Variants in APBB2 observed in about 807,000 individuals in gnomAD.
APBB2 encodes the protein amyloid beta precursor protein binding family B member 2, also known as Fe65-like 1.
APBB2 carries 38 observed loss-of-function variants against 82.5 expected under a neutral mutation model. The observed-to-expected ratio is 0.46, with a 90% CI of 0.36 to 0.60. The LOEUF (loss-of-function observed/expected upper bound fraction) is 0.60, where lower values mean the gene tolerates loss of function less well. Ranked by LOEUF, APBB2 falls within the 20% of genes least tolerant of loss-of-function variation. APBB2 has a pLI of 0.00. For missense variants in APBB2, 772 were observed against 972.3 expected (o/e 0.79, Z 2.74); for synonymous variants, 341 against 368.2 (o/e 0.93, Z 0.85).
intron 3 of APBB2, among the ~76,000 whole-genome samples, chr4:41,077,777 A>G (rs1486003810): frequency 6.6e-6 from 1 of 152,182 alleles, no homozygotes; most frequent in Non-Finnish European, 1.5e-5. Flanking sequence ...ATGGCATCCA[A>G]TAAACAGGTC....
At chr4:40,909,247 T>A (rs1777901025) in intron 10 of APBB2, among the ~76,000 whole-genome samples, 1 of 152,200 alleles carries the variant, frequency 6.6e-6, no homozygotes, top group African/African-American at 2.4e-5. Flanking sequence ...GAACAAGTCA[T>A]ACAAATCTAA....
At chr4:40,917,942 C>G (rs113754155) in intron 10 of APBB2, among the ~76,000 whole-genome samples, 2,528 of 152,282 alleles carry the variant, frequency 0.017, 85 homozygotes, top group African/African-American at 0.058. Context: ...ATGAATGGAC[C>G]AGAGACTCAG....
In APBB2 at chr4:41,014,340, G is replaced by A; in HGVS notation, c.78C>T (p.Val26=). The A allele has an allele frequency of 6.2e-7, 1 of 1,614,136 alleles. No homozygotes were observed. Among genetic ancestry groups the A allele is most frequent in the Non-Finnish European group, 8.5e-7 (1 of 1,180,028 alleles). Residue 26 remains valine (V), a synonymous_variant, in exon 6 of 18, where the codon GTC becomes GTT. Coordinates refer to ENST00000508593, the MANE Select transcript of APBB2 (RefSeq NM_004307.2). ...GTGTGGCTGGGCTGTTCCGATTTGT[G>A]ACGTCTGTAGTTCCGCTGCTGGCCA... ...VFMASSGTTD[V]TNRNSPATPP... is the part of the protein sequence containing the mutation.
chr4:41,089,803 G>C (rs536449222), intron 3 of APBB2, among the ~76,000 whole-genome samples: 217 of 152,186 alleles, frequency 1.4e-3, no homozygotes, highest in African/African-American at 4.7e-3. Flanking sequence ...AGTCACTATG[G>C]GATCTGAAGG....
intron 6 of APBB2, among the ~76,000 whole-genome samples, chr4:40,998,234 T>C (rs190007493): frequency 6.6e-6 from 1 of 152,364 alleles, no homozygotes; most frequent in Admixed American, 6.5e-5. Context: ...GATTCACAGA[T>C]GTAATATTTT....
intron 6 of APBB2, among the ~76,000 whole-genome samples, chr4:40,992,288 C>T (rs765250148): frequency 1.8e-4 from 27 of 150,784 alleles, no homozygotes; most frequent in Non-Finnish European, 3.5e-4. Context: ...CTCAGCCTCC[C>T]GAGTAGCTGG....
rs1468626455 is a variant in APBB2 at position 40,842,504 on chromosome 4, TGCA to T, written c.1530-11930_1530-11928del. ...GACAGCTCATCTAATTTCCCAACTCTGCAGCAATTAATAGGCTTTCCGTGCTTA... is the reference window on the plus strand; with the variant it reads ...GACAGCTCATCTAATTTCCCAACTCTGCAATTAATAGGCTTTCCGTGCTTA... On this transcript the variant is annotated intron_variant, in intron 12 of 17. Coordinates refer to ENST00000508593, the MANE Select transcript of APBB2 (RefSeq NM_004307.2). 1.1e-5 allele frequency: 4 copies of T among 365,946 alleles called. No homozygotes were observed. In the Admixed American group the frequency reaches 1.2e-4, roughly 11 times the overall value. 22.7% of individuals were successfully genotyped at this position (365,946 alleles called of 1,614,324 possible).
At chr4:40,911,310 T>G (rs1778477711) in intron 10 of APBB2, among the ~76,000 whole-genome samples, 1 of 152,120 alleles carries the variant, frequency 6.6e-6, no homozygotes, top group African/African-American at 2.4e-5. Flanking sequence ...ATCCTCCGCA[T>G]GTACTGGGGG....
intron 12 of APBB2, among the ~76,000 whole-genome samples, chr4:40,876,676 C>T (rs868420525): frequency 2.6e-5 from 4 of 152,176 alleles, no homozygotes; most frequent in Non-Finnish European, 4.4e-5. Flanking sequence ...ATACCTAATA[C>T]AATGCAAAAC....
rs1744522188 is a variant in APBB2, at chr4:40,812,043, A to AAAT, written c.*4046_*4048dup. On this transcript the variant is annotated 3_prime_UTR_variant, in exon 18 of 18. Coordinates refer to ENST00000508593, the MANE Select transcript of APBB2 (RefSeq NM_004307.2). ...TTACAAAAGACTCGAGTTGGTGACT[A>AAAT]AATAGGCTTCTATGTCCGGAAGGCC... 6.6e-6 allele frequency: 1 copy of AAAT among 152,208 alleles called. No homozygotes were observed. The highest frequency in any genetic ancestry group is 2.4e-5 in the African/African-American group (1 of 41,442). 9.4% of individuals were successfully genotyped at this position (152,208 alleles called of 1,614,324 possible).
At chr4:41,207,423 T>G (rs1778243456) in intron 1 of APBB2, among the ~76,000 whole-genome samples, 1 of 152,114 alleles carries the variant, frequency 6.6e-6, no homozygotes, top group South Asian at 2.1e-4. Context: ...TTCTATGGCT[T>G]TCACCCATCA....
chr4:40,884,978 T>A (rs1296166386), intron 12 of APBB2, among the ~76,000 whole-genome samples: 1 of 152,184 alleles, frequency 6.6e-6, no homozygotes, highest in Admixed American at 6.5e-5. Context: ...AAAGATTTTA[T>A]TAAAAGTTGT....
intron 1 of APBB2, among the ~76,000 whole-genome samples, chr4:41,174,426 G>C (rs1053799053): frequency 6.6e-6 from 1 of 151,908 alleles, no homozygotes; most frequent in African/African-American, 2.4e-5. Context: ...CAAATTAACC[G>C]GCGCATCCTA....
intron 2 of APBB2, among the ~76,000 whole-genome samples, chr4:41,101,236 G>A (rs368893971): frequency 4.0e-5 from 6 of 150,976 alleles, no homozygotes; most frequent in Admixed American, 3.3e-4. Flanking sequence ...AGGCCGAGGC[G>A]GGTGGATCAT....
intron 3 of APBB2, among the ~76,000 whole-genome samples, chr4:41,086,228 G>A (rs772782219): frequency 1.3e-5 from 2 of 152,016 alleles, no homozygotes; most frequent in Non-Finnish European, 2.9e-5. Context: ...CTTCACAGCC[G>A]AATTCTATCA....
chr4:41,016,719 A>C (rs62412118), intron 5 of APBB2, among the ~76,000 whole-genome samples: 6,944 of 151,692 alleles, frequency 0.046, 338 homozygotes, highest in African/African-American at 0.12. Context: ...CCATTACCCT[A>C]TCAGGGGCCA....
chr4:41,190,689 G>C (rs1472637826), intron 1 of APBB2, among the ~76,000 whole-genome samples: 1 of 152,122 alleles, frequency 6.6e-6, no homozygotes, highest in East Asian at 1.9e-4. Flanking sequence ...TTGTTGCATA[G>C]ATTATGCACA....
In APBB2 at chr4:40,826,163, T is replaced by C; in HGVS notation, c.1733-193A>G. ...ATATTGGGGCTCTGTTAAAATCCTG[T>C]TCAACTTTCAAGATAGGAATGCATG... On this transcript the variant is annotated intron_variant, in intron 14 of 17. Transcript: ENST00000508593. The surrounding 1 kb of genome is among the most constrained non-coding windows in gnomAD (Gnocchi z 4.5). 1.8e-6 allele frequency: 1 copy of C among 570,094 alleles called. No individual in the cohort carries two copies. The highest frequency in any genetic ancestry group is 3.2e-6 in the Non-Finnish European group (1 of 315,516). The allele number at this position is 570,094 out of a possible 1,614,324, so 35.3% of individuals were successfully genotyped here.
intron 4 of APBB2, among the ~76,000 whole-genome samples, chr4:41,055,962 G>C (rs1275888256): frequency 1.3e-5 from 2 of 152,224 alleles, no homozygotes; most frequent in Admixed American, 1.3e-4. Context: ...GGAGGCCAAG[G>C]TGGGTGGATC....
Sources: gnomAD v4.1 joint callset for allele counts (sites outside exome capture counted in the v4.1 genomes callset) on GRCh38, gnomAD v4.1.1 for gene constraint, Gnocchi (gnomAD v3.1) non-coding constraint, MANE v1.5 for transcripts, NCBI Gene and HGNC (gene_info 2026-07-23, HGNC 2026-07-21) for gene names.